The following CRY2 variants were observed in gnomAD, a reference collection of about 807,000 sequenced individuals.
CRY2 encodes the protein cryptochrome-2.
In CRY2, 31 loss-of-function variants were observed where a neutral mutation model predicts 69.5. The ratio of observed to expected loss-of-function variants is 0.45; its 90% CI spans 0.34 to 0.60. The LOEUF is 0.60. Ranked by LOEUF, CRY2 falls within the 20% of genes least tolerant of loss-of-function variation. CRY2 has a pLI of 0.02. For missense variants in CRY2, 606 were observed against 797.8 expected (o/e 0.76, Z 2.90); for synonymous variants, 303 against 312.2 (o/e 0.97, Z 0.31).
At chr11:45,855,832 TC>T in intron 1 of CRY2, 149 bp from the exon 2 acceptor site, 1 of 718,658 alleles carries the variant, frequency 1.4e-6, no homozygotes, top group East Asian at 2.5e-5. Context: ...ACCACATCCC[TC>T]CTGGGCTGGA....
rs558201046 is a variant in CRY2, at chr11:45,870,353, C to T, written c.1370C>T (p.Ala457Val). ...YIRRYLPKLK[A>V]FPSRYIYEPW... Reference sequence around the variant, plus strand: ...AGGCGATACCTGCCCAAATTGAAAGCGTTCCCCTCTCGATACATCTATGAG... The same window carrying T: ...AGGCGATACCTGCCCAAATTGAAAGTGTTCCCCTCTCGATACATCTATGAG... The change falls in exon 9 of 12, where the codon GCG (alanine) becomes GTG (valine). Residue 457 changes from alanine to valine, a missense_variant. By Grantham distance (64) the Ala-to-Val change is moderately conservative. Transcript: ENST00000616080. 6.2e-6 allele frequency: 10 copies of T among 1,614,184 alleles called. No homozygotes were observed. Among genetic ancestry groups the T allele is most frequent in the South Asian group, 5.5e-5 (5 of 91,076 alleles).
intron 1 of CRY2, among the ~76,000 whole-genome samples, chr11:45,852,375 G>T (rs568073346): frequency 2.7e-4 from 41 of 152,314 alleles, no homozygotes; most frequent in South Asian, 4.1e-4. Flanking sequence ...ACCACAGAAG[G>T]CCCAAGGTTC....
In CRY2 at chr11:45,867,709, C is replaced by G. The variant is rs143660322; in HGVS notation, c.839C>G (p.Ser280Cys). The change falls in exon 6 of 12, where the codon TCC (serine) becomes TGC (cysteine). Residue 280 changes from serine to cysteine, a missense_variant. By Grantham distance (112) the Ser-to-Cys change is moderately radical (BLOSUM62 -1). Around this residue, in one of 5 missense-constraint regions of CRY2, gnomAD observed 382 missense variants for 508.9 expected, o/e 0.75. Transcript: ENST00000616080. ...LSPYLRFGCL[S>C]CRLFYYRLWD... is the part of the protein sequence containing the mutation. The stretch of plus-strand genomic sequence containing the variant: ...CCCTACCTGCGCTTTGGTTGTCTCT[C>G]CTGCCGCCTCTTCTACTACCGCCTG... 1 of 1,614,244 alleles carries G rather than the reference C, an allele frequency of 6.2e-7. No individual in the cohort carries two copies. Among genetic ancestry groups the G allele is most frequent in the Non-Finnish European group, 8.5e-7 (1 of 1,180,040 alleles).
chr11:45,869,912 C>T, intron 7 of CRY2, 95 bp downstream of exon 7: 1 of 1,518,966 alleles, frequency 6.6e-7, no homozygotes, highest in Non-Finnish European at 8.8e-7. Flanking sequence ...GGTGGGATTT[C>T]TGGGTCCAGG....
chr11:45,864,975 G>T (rs900421522), intron 5 of CRY2, among the ~76,000 whole-genome samples: 1 of 151,768 alleles, frequency 6.6e-6, no homozygotes, highest in Non-Finnish European at 1.5e-5. Context: ...GGCCTGACTG[G>T]TCTCAAACTC....
chr11:45,847,788 A>G, intron 1 of CRY2, 83 bp downstream of exon 1: 3 of 1,436,682 alleles, frequency 2.1e-6, no homozygotes, highest in Non-Finnish European at 2.8e-6. Flanking sequence ...GATCCCCCCA[A>G]CCCCGCCACG....
upstream of CRY2, chr11:45,847,328 C>T: frequency 6.3e-7 from 1 of 1,587,212 alleles, no homozygotes; most frequent in Non-Finnish European, 8.6e-7. Flanking sequence ...CTGGGCCAAT[C>T]GCCAGGTGGA....
chr11:45,882,065 A>G lies in CRY2; in HGVS notation c.*1154A>G, dbSNP rs543575015. ...TCCAAGTAGAGATTACACCCAGAAC[A>G]CCATTCCTTCCAGGAGCAGTAGGTG... is the stretch of plus-strand genomic sequence containing the variant. On this transcript the variant is annotated 3_prime_UTR_variant, in exon 12 of 12. Transcript: ENST00000616080. The G allele has an allele frequency of 6.6e-6, 1 of 152,276 alleles. No homozygotes were observed. 9.4% of individuals were successfully genotyped at this position (152,276 alleles called of 1,614,324 possible).
chr11:45,854,201 A>G (rs1369316434), intron 1 of CRY2, among the ~76,000 whole-genome samples: 1 of 152,228 alleles, frequency 6.6e-6, no homozygotes, highest in African/African-American at 2.4e-5. Context: ...CCCAAGGGGT[A>G]GATAGCAGGT....
intron 11 of CRY2, among the ~76,000 whole-genome samples, chr11:45,877,899 C>T (rs968854663): frequency 1.1e-4 from 16 of 152,204 alleles, no homozygotes; most frequent in Admixed American, 1.0e-3. Flanking sequence ...CAAGTTGGTT[C>T]TTCTAAACCT....
rs752532687 is a variant in CRY2, at chr11:45,860,929, G to A, written c.549G>A (p.Lys183=). Residue 183 remains lysine, a synonymous_variant, in exon 4 of 12, where the codon AAG becomes AAA. Transcript: ENST00000616080. ...TCATCAGCCGCATGGAGCTGCCCAA[G>A]AAGCCAGTGGGCTTGGTGACCAGCC... ...QAIISRMELP[K]KPVGLVTSQQ... The A allele has an allele frequency of 1.2e-6, 2 of 1,613,986 alleles. No individual in the cohort carries two copies. The highest frequency in any genetic ancestry group is 2.2e-5 in the South Asian group (2 of 91,090).
intron 3 of CRY2, among the ~76,000 whole-genome samples, chr11:45,859,846 AG>A (rs139670444): frequency 0.028 from 4,269 of 152,136 alleles, 97 homozygotes; most frequent in Non-Finnish European, 0.041. Flanking sequence ...TTCCCAACCC[AG>A]TGCTGGCTGC....
At position 45,881,291 on chromosome 11, in the gene CRY2, CCTT is replaced by C. The variant is rs1048862443; in HGVS notation, c.*382_*384del. ...TTCTGGCATCTGCCTCCCTAGACCT[CCTT>C]CCCTCCCTCCTCACGTCAGGCTGTG... On this transcript the variant is annotated 3_prime_UTR_variant, in exon 12 of 12. Coordinates refer to ENST00000616080, the MANE Select transcript of CRY2 (RefSeq NM_021117.5). 19 of 152,658 alleles carry C rather than the reference CCTT, an allele frequency of 1.2e-4. No individual in the cohort carries two copies. Among genetic ancestry groups the C allele is most frequent in the African/African-American group, 4.3e-4 (18 of 41,464 alleles). The allele number at this position is 152,658 out of a possible 1,614,324, so 9.5% of individuals were successfully genotyped here.
In CRY2 at chr11:45,857,690, TGAA is replaced by T. The variant is rs549131396; in HGVS notation, c.325-1039_325-1037del. On this transcript the variant is annotated intron_variant, in intron 2 of 11. Coordinates refer to ENST00000616080, the MANE Select transcript of CRY2 (RefSeq NM_021117.5). ...AAGACAAGGTGCAGAAGAATTATAT[TGAA>T]GGAGGAGGTCAAGAAGGCTTCTTGG... 3.7e-3 allele frequency among the ~76,000 whole-genome samples: 570 copies of T among 152,228 alleles called. 1 individual carries two copies. The highest frequency in any genetic ancestry group is 5.7e-3 in the Non-Finnish European group (391 of 68,030).
At position 45,870,830 on chromosome 11, in the gene CRY2, C is replaced by A; in HGVS notation, c.1550-12C>A. 1 of 1,609,156 alleles carries A rather than the reference C, an allele frequency of 6.2e-7. No homozygotes were observed. Among genetic ancestry groups the A allele is most frequent in the Non-Finnish European group, 8.5e-7 (1 of 1,176,018 alleles). On this transcript the variant is annotated splice_polypyrimidine_tract_variant and intron_variant, in intron 9 of 11. Transcript: ENST00000616080. ...GAGACGGCACTCTGATTACTCCTCGCCTCTCTCCCAGGTCTACTGGCATCT... is the reference window on the plus strand; with the variant it reads ...GAGACGGCACTCTGATTACTCCTCGACTCTCTCCCAGGTCTACTGGCATCT...
chr11:45,859,779 G>A (rs1462938297), intron 3 of CRY2, among the ~76,000 whole-genome samples: 2 of 152,038 alleles, frequency 1.3e-5, no homozygotes, highest in African/African-American at 4.8e-5. Context: ...TCCTGCTGCT[G>A]CTGCTGCTGT....
chr11:45,870,600 G>C, intron 9 of CRY2, 68 bp downstream of exon 9: 1 of 1,559,224 alleles, frequency 6.4e-7, no homozygotes, highest in Non-Finnish European at 8.8e-7. Context: ...GGCCAGATGG[G>C]GATGTCCAGA....
chr11:45,867,915 T>A, intron 6 of CRY2, 163 bp downstream of exon 6: 1 of 879,046 alleles, frequency 1.1e-6, no homozygotes, highest in Non-Finnish European at 1.7e-6. Flanking sequence ...GAAGACTCAA[T>A]ATCCAAGAGG....
intron 1 of CRY2, 142 bp from the exon 2 acceptor site, chr11:45,855,840 T>C: frequency 1.3e-6 from 1 of 746,434 alleles, no homozygotes; most frequent in Non-Finnish European, 2.4e-6. Flanking sequence ...CCTCCTGGGC[T>C]GGAACCCAGG....
Sources: allele counts gnomAD v4.1 joint callset (sites outside exome capture counted in the v4.1 genomes callset), GRCh38; gene constraint gnomAD v4.1.1; regional missense constraint gnomAD v4.1.1; transcripts MANE v1.5; gene names NCBI Gene and HGNC (gene_info 2026-07-23, HGNC 2026-07-21).